Variants in DGKB observed in about 807,000 individuals in gnomAD.
DGKB encodes 90 kDa diacylglycerol kinase.
A neutral mutation model predicts 114.3 loss-of-function variants in DGKB; 67 were observed. That is an observed-to-expected ratio of 0.59 (90% CI 0.48 to 0.72). The LOEUF (loss-of-function observed/expected upper bound fraction) is 0.72, where lower values mean the gene tolerates loss of function less well. Ranked by LOEUF, DGKB falls within the 30% of genes least tolerant of loss-of-function variation. The probability of loss-of-function intolerance (pLI) is 0.00; values close to 1 mark genes in which losing one functional copy is unlikely to be tolerated. For missense variants in DGKB, 907 were observed against 975.2 expected, an observed-to-expected ratio of 0.93 and a Z score of 0.93; for synonymous variants, 398 against 323.1, an observed-to-expected ratio of 1.23 and a Z score of -2.49.
At chr7:14,614,361 C>T (rs1463991601) in intron 15 of DGKB, among the ~76,000 whole-genome samples, 1 of 151,958 alleles carries the variant, frequency 6.6e-6, no homozygotes, top group African/African-American at 2.4e-5. Flanking sequence ...CAATGTAACC[C>T]TATGTAACTC....
chr7:14,258,635 A>T (rs759457944), intron 23 of DGKB, among the ~76,000 whole-genome samples: 3 of 152,210 alleles, frequency 2.0e-5, no homozygotes, highest in Non-Finnish European at 4.4e-5. Flanking sequence ...GAGACAGCAA[A>T]TGCAGCTGCA....
intron 13 of DGKB, among the ~76,000 whole-genome samples, chr7:14,649,348 C>G (rs948736782): frequency 5.3e-5 from 8 of 151,366 alleles, no homozygotes; most frequent in South Asian, 2.1e-4. Context: ...ATTCAACATT[C>G]TTAAAGAAAA....
At chr7:14,341,156 C>A (rs1020007942) in intron 22 of DGKB, among the ~76,000 whole-genome samples, 1 of 151,662 alleles carries the variant, frequency 6.6e-6, no homozygotes, top group African/African-American at 2.4e-5. Flanking sequence ...CTCAAACAGT[C>A]GCAAAGAACA....
chr7:14,896,750 A>G (rs373201934), intron 1 of DGKB, among the ~76,000 whole-genome samples: 1 of 151,834 alleles, frequency 6.6e-6, no homozygotes, highest in African/African-American at 2.4e-5. Context: ...AATTCATCCA[A>G]ATAGTAAGGA....
intron 1 of DGKB, among the ~76,000 whole-genome samples, chr7:14,857,321 T>C (rs772137921): frequency 3.5e-5 from 5 of 141,816 alleles, no homozygotes; most frequent in Non-Finnish European, 6.0e-5. Context: ...TTCCACAGGT[T>C]CAAGGGAATA....
At chr7:14,854,144 G>A (rs951540268) in intron 1 of DGKB, among the ~76,000 whole-genome samples, 4 of 151,988 alleles carry the variant, frequency 2.6e-5, no homozygotes, top group Non-Finnish European at 4.4e-5. Flanking sequence ...GATTATATGC[G>A]ATTTGCCAAG....
chr7:14,288,209 T>A (rs993423529), intron 23 of DGKB, among the ~76,000 whole-genome samples: 6 of 148,268 alleles, frequency 4.0e-5, no homozygotes, highest in African/African-American at 1.5e-4. Flanking sequence ...TCTAGAATTC[T>A]TGATAATCTG....
At chr7:14,232,639 C>G (rs1792088368) in intron 23 of DGKB, among the ~76,000 whole-genome samples, 1 of 151,906 alleles carries the variant, frequency 6.6e-6, no homozygotes, top group African/African-American at 2.4e-5. Flanking sequence ...AGGACTAACT[C>G]AAATCCCTAA....
intron 23 of DGKB, among the ~76,000 whole-genome samples, chr7:14,302,754 C>A (rs1317860664): frequency 6.6e-6 from 1 of 152,092 alleles, no homozygotes; most frequent in Non-Finnish European, 1.5e-5. Context: ...CCAACAAATG[C>A]TCCATATCGC....
At chr7:14,400,931 T>C (rs1188632514) in intron 21 of DGKB, among the ~76,000 whole-genome samples, 1 of 151,832 alleles carries the variant, frequency 6.6e-6, no homozygotes, top group African/African-American at 2.4e-5. Context: ...TCAGGGAATC[T>C]ACCGAGCTAT....
chr7:14,254,688 C>G (rs961989825), intron 23 of DGKB, among the ~76,000 whole-genome samples: 3 of 152,160 alleles, frequency 2.0e-5, no homozygotes, highest in African/African-American at 7.2e-5. Flanking sequence ...TTTCTAGCCA[C>G]TTCTAGTTAC....
chr7:14,890,376 A>G (rs1003296648), intron 1 of DGKB, among the ~76,000 whole-genome samples: 8 of 151,446 alleles, frequency 5.3e-5, no homozygotes, highest in African/African-American at 1.9e-4. Flanking sequence ...CTATGGATAA[A>G]TCCATTTGAA....
chr7:14,506,288 G>A (rs893991305), intron 20 of DGKB, among the ~76,000 whole-genome samples: 1 of 152,148 alleles, frequency 6.6e-6, no homozygotes, highest in African/African-American at 2.4e-5. Context: ...CAAGCTTAGT[G>A]CAAGTCCAGA....
At chr7:14,401,144 C>A (rs546041838) in intron 21 of DGKB, among the ~76,000 whole-genome samples, 1 of 152,012 alleles carries the variant, frequency 6.6e-6, no homozygotes, top group African/African-American at 2.4e-5. Flanking sequence ...AAGGTTTCCA[C>A]TTTTAAAAGA....
intron 1 of DGKB, among the ~76,000 whole-genome samples, chr7:14,849,319 A>C (rs1849041637): frequency 6.6e-6 from 1 of 151,856 alleles, no homozygotes; most frequent in Non-Finnish European, 1.5e-5. Context: ...TGTCCCCCTC[A>C]CTGCTGCTGA....
chr7:14,599,579 C>T (rs552045940), intron 17 of DGKB, among the ~76,000 whole-genome samples: 4 of 152,196 alleles, frequency 2.6e-5, no homozygotes, highest in African/African-American at 9.7e-5. Flanking sequence ...GAAACCCTCA[C>T]CAACAATGCA....
intron 21 of DGKB, among the ~76,000 whole-genome samples, chr7:14,356,309 C>T (rs1351917103): frequency 6.7e-6 from 1 of 148,690 alleles, no homozygotes; most frequent in Non-Finnish European, 1.5e-5. Flanking sequence ...TGTTTCTTGC[C>T]TTCTGTTAGC....
At chr7:14,293,060 T>C (rs183782408) in intron 23 of DGKB, among the ~76,000 whole-genome samples, 48 of 152,308 alleles carry the variant, frequency 3.2e-4, no homozygotes, top group Non-Finnish European at 5.3e-4. Flanking sequence ...TGGATACATA[T>C]TGACATATCC....
At chr7:14,349,078 T>C (rs947587816) in intron 21 of DGKB, among the ~76,000 whole-genome samples, 1 of 152,054 alleles carries the variant, frequency 6.6e-6, no homozygotes, top group African/African-American at 2.4e-5. Context: ...GGCTGGAGTG[T>C]TGAAATGCTG....
Sources: allele counts gnomAD v4.1 joint callset (sites outside exome capture counted in the v4.1 genomes callset), GRCh38; gene constraint gnomAD v4.1.1; transcripts MANE v1.5; gene names NCBI Gene and HGNC (gene_info 2026-07-23, HGNC 2026-07-21).